PDLIM5: variants seen among roughly 807,000 people sequenced by gnomAD.
PDLIM5 encodes the protein PDZ and LIM domain protein 5.
Under a neutral mutation model 64.2 loss-of-function variants are expected in PDLIM5, and 34 were observed. The observed-to-expected ratio is 0.53, with a 90% CI of 0.40 to 0.71. The LOEUF (loss-of-function observed/expected upper bound fraction) is 0.71, where lower values mean the gene tolerates loss of function less well. PDLIM5 is among the 30% of genes least tolerant of loss of function. The pLI is 0.00. For missense variants in PDLIM5, 683 were observed against 733.6 expected (o/e 0.93, Z 0.80); for synonymous variants, 253 against 269.1 (o/e 0.94, Z 0.59).
intron 9 of PDLIM5, among the ~76,000 whole-genome samples, chr4:94,652,525 A>C (rs900488437): frequency 6.6e-5 from 10 of 152,222 alleles, no homozygotes; most frequent in Admixed American, 6.5e-4. Context: ...ACTACTTGCC[A>C]AACATACACT....
At position 94,581,585 on chromosome 4, in the gene PDLIM5, C is replaced by A. The variant is rs76457491; in HGVS notation, c.711-3980C>A. ...CACCCTCACTCAGTGTAACTCAACCCTCTGAGTTTATGAAACTGATTTTGA... is the reference window on the plus strand; with the variant it reads ...CACCCTCACTCAGTGTAACTCAACCATCTGAGTTTATGAAACTGATTTTGA... On this transcript the variant is annotated intron_variant, in intron 5 of 12. Coordinates refer to ENST00000317968, the MANE Select transcript of PDLIM5 (RefSeq NM_006457.5). Among the ~76,000 whole-genome samples the A allele has an allele frequency of 1.3e-3, 204 of 152,224 alleles. 2 individuals are homozygous for A. In the East Asian group the frequency reaches 0.032, roughly 24 times the overall value.
At chr4:94,489,763 C>T (rs1726691420) in intron 2 of PDLIM5, among the ~76,000 whole-genome samples, 1 of 151,880 alleles carries the variant, frequency 6.6e-6, no homozygotes, top group African/African-American at 2.4e-5. Flanking sequence ...CCCATCTCTA[C>T]AAAATTTAAA....
At chr4:94,621,283 G>A (rs1201964953) in intron 8 of PDLIM5, among the ~76,000 whole-genome samples, 1 of 152,002 alleles carries the variant, frequency 6.6e-6, no homozygotes, top group Non-Finnish European at 1.5e-5. Context: ...GAAATTTCTG[G>A]ACTATTAACT....
chr4:94,482,649 C>T (rs913205224), intron 2 of PDLIM5, among the ~76,000 whole-genome samples: 1 of 152,054 alleles, frequency 6.6e-6, no homozygotes, highest in Non-Finnish European at 1.5e-5. Context: ...TAATTCCTTG[C>T]ACTTTAGGAG....
In PDLIM5 at chr4:94,643,718, A is replaced by T. The variant is rs144077668; in HGVS notation, c.1283+3268A>T. ...TTGCCTACAGTACAGCACCAGAAAAACTATATACAGCCAATCCATTGTTTG... is the reference window on the plus strand; with the variant it reads ...TTGCCTACAGTACAGCACCAGAAAATCTATATACAGCCAATCCATTGTTTG... On this transcript the variant is annotated intron_variant, in intron 9 of 12. Transcript: ENST00000317968. Among the ~76,000 whole-genome samples the T allele has an allele frequency of 4.3e-4, 66 of 152,298 alleles. 1 individual carries two copies. Among genetic ancestry groups the T allele is most frequent in the African/African-American group, 1.3e-3 (53 of 41,564 alleles).
At chr4:94,456,677 C>G (rs1318272750) in intron 2 of PDLIM5, 3 of 1,215,000 alleles carry the variant, frequency 2.5e-6, no homozygotes, top group African/African-American at 3.1e-5. Context: ...ATTACTGTTA[C>G]AGTGGTACAG....
At chr4:94,452,873 C>T (rs2126067471) in intron 1 of PDLIM5, among the ~76,000 whole-genome samples, 1 of 152,322 alleles carries the variant, frequency 6.6e-6, no homozygotes, top group East Asian at 1.9e-4. Flanking sequence ...GCGAATCCCT[C>T]CTGGAAAACT....
intron 9 of PDLIM5, among the ~76,000 whole-genome samples, chr4:94,642,482 T>C (rs999194303): frequency 3.9e-5 from 6 of 152,182 alleles, no homozygotes; most frequent in African/African-American, 1.4e-4. Context: ...CCGTGTAAAA[T>C]AAATATGTAT....
chr4:94,592,038 G>A (rs908560234), intron 7 of PDLIM5, among the ~76,000 whole-genome samples: 5 of 152,200 alleles, frequency 3.3e-5, no homozygotes, highest in African/African-American at 1.2e-4. Flanking sequence ...TCAGTTAAGG[G>A]AGGACTGAAA....
At chr4:94,650,324 C>T (rs1435519333) in intron 9 of PDLIM5, among the ~76,000 whole-genome samples, 1 of 152,138 alleles carries the variant, frequency 6.6e-6, no homozygotes, top group African/African-American at 2.4e-5. Context: ...CACGCCAGGC[C>T]CTTCCTCAAT....
At chr4:94,541,945 G>A (rs552479205) in intron 3 of PDLIM5, among the ~76,000 whole-genome samples, 13 of 152,272 alleles carry the variant, frequency 8.5e-5, no homozygotes, top group South Asian at 2.1e-4. Flanking sequence ...TATTCTCTCC[G>A]GCTTCCTGTT....
intron 8 of PDLIM5, among the ~76,000 whole-genome samples, chr4:94,629,318 T>C (rs1045887792): frequency 3.3e-5 from 5 of 151,258 alleles, no homozygotes; most frequent in Admixed American, 6.6e-5. Flanking sequence ...CACTGCACTG[T>C]GCGAGACTCA....
intron 2 of PDLIM5, among the ~76,000 whole-genome samples, chr4:94,462,133 G>A (rs1429195476): frequency 1.3e-5 from 2 of 152,162 alleles, no homozygotes; most frequent in African/African-American, 2.4e-5. Context: ...AAAGTGCTGG[G>A]ATTACAGGCG....
rs115668119 is a variant in PDLIM5, at chr4:94,545,904, G to T, written c.248+22029G>T. On this transcript the variant is annotated intron_variant, in intron 3 of 12. Coordinates refer to ENST00000317968, the MANE Select transcript of PDLIM5 (RefSeq NM_006457.5). ...CTGTTAAATCATTGACAACTGAGCA[G>T]CCTTCAAAAGTATATTTTTATAAAA... Among the ~76,000 whole-genome samples the T allele has an allele frequency of 4.5e-3, 685 of 152,126 alleles. 7 individuals carry two copies. The highest frequency in any genetic ancestry group is 0.016 in the African/African-American group (654 of 41,500).
rs775958003 is a variant in PDLIM5, at chr4:94,654,682, T to A, written c.1464+42T>A. ...TTTTTATTCTGAATGAGTTTTAAAG[T>A]AGAATAATTTTTTGATATGAAAGTC... On this transcript the variant is annotated intron_variant, in intron 10 of 12. Transcript: ENST00000317968. The A allele has an allele frequency of 8.5e-6, 11 of 1,291,424 alleles. No individual in the cohort carries two copies. The Admixed American group carries it at 1.6e-4, about 19-fold the overall frequency. The allele number at this position is 1,291,424 out of a possible 1,614,324, so 80.0% of individuals were successfully genotyped here.
chr4:94,563,518 A>G (rs1003114335), intron 3 of PDLIM5, among the ~76,000 whole-genome samples: 20 of 152,220 alleles, frequency 1.3e-4, no homozygotes, highest in African/African-American at 4.3e-4. Flanking sequence ...AGAAGATAGC[A>G]GACTGACTTT....
At chr4:94,624,779 C>T in intron 8 of PDLIM5, among the ~76,000 whole-genome samples, 1 of 152,154 alleles carries the variant, frequency 6.6e-6, no homozygotes, top group Non-Finnish European at 1.5e-5. Context: ...ATGTTTAAGA[C>T]TGTCTAGTGG....
Position 94,640,430 on chromosome 4 carries a change from C to G in PDLIM5, c.1263C>G (p.Ala421=). 2 of 1,597,760 alleles carry G rather than the reference C, an allele frequency of 1.3e-6. No homozygotes were observed. The highest frequency in any genetic ancestry group is 2.3e-5 in the South Asian group (2 of 88,464). The change falls in exon 9 of 13, where the codon GCC becomes GCG. Residue 421 remains alanine, a synonymous_variant. Coordinates refer to ENST00000317968, the MANE Select transcript of PDLIM5 (RefSeq NM_006457.5). Reference sequence around the variant, plus strand: ...CAGGGAAACGAACTCCGATGTGCGCCCATTGTAACCAGGTCATCAGGTTGG... The same window carrying G: ...CAGGGAAACGAACTCCGATGTGCGCGCATTGTAACCAGGTCATCAGGTTGG... ...IPAGKRTPMC[A]HCNQVIRGPF...
intron 2 of PDLIM5, among the ~76,000 whole-genome samples, chr4:94,497,352 A>T (rs1727489108): frequency 1.3e-5 from 2 of 152,190 alleles, no homozygotes; most frequent in South Asian, 4.1e-4. Flanking sequence ...TTGATTTTTC[A>T]TCCTAATAGT....
Sources: allele counts gnomAD v4.1 joint callset (sites outside exome capture counted in the v4.1 genomes callset), GRCh38; gene constraint gnomAD v4.1.1; transcripts MANE v1.5; gene names NCBI Gene and HGNC (gene_info 2026-07-23, HGNC 2026-07-21).